Variants in NAGA observed in about 807,000 individuals in gnomAD.
The protein encoded by NAGA is Acetylgalactosaminidase, alpha-N- (alpha-galactosidase B).
A neutral mutation model predicts 45.6 loss-of-function variants in NAGA; 42 were observed. The ratio of observed to expected loss-of-function variants is 0.92; its 90% CI spans 0.72 to 1.19. The LOEUF (loss-of-function observed/expected upper bound fraction) is 1.19, where lower values mean the gene tolerates loss of function less well. Among genes scored for constraint, NAGA ranks in the 50% most tolerant of loss-of-function variants. NAGA has a pLI of 0.00. For synonymous variants in NAGA, 176 were observed against 203.1 expected (o/e 0.87, Z 1.13); for missense variants, 493 against 544.8 (o/e 0.90, Z 0.95).
chr22:42,069,056 C>T (rs1926905787), intron 1 of NAGA, among the ~76,000 whole-genome samples: 1 of 152,160 alleles, frequency 6.6e-6, no homozygotes, highest in Non-Finnish European at 1.5e-5. Flanking sequence ...GTCAGGCCAA[C>T]ATGGTGAAAC....
intron 7 of NAGA, among the ~76,000 whole-genome samples, chr22:42,061,985 C>T (rs1031765069): frequency 4.0e-4 from 59 of 147,468 alleles, no homozygotes; most frequent in African/African-American, 1.5e-3. Context: ...TTTGAGGTGA[C>T]ACTGAAGTCC....
At chr22:42,063,110 G>C (rs956084903) in intron 6 of NAGA, 86 bp from the exon 7 acceptor site, 5 of 1,321,510 alleles carry the variant, frequency 3.8e-6, no homozygotes, top group Non-Finnish European at 5.3e-6. Context: ...AGCCGAGGAA[G>C]AGCAATTAGG....
rs1471207605 is a variant in NAGA at position 42,059,393 on chromosome 22, C to G, written c.*886G>C. On this transcript the variant is annotated 3_prime_UTR_variant, in exon 9 of 9. Transcript: ENST00000396398. ...TGGGGAATATGAACCTCCTTTGCAG[C>G]CAGGTTGGGAGAGAAATAAAGGAAA... 2.0e-5 allele frequency: 3 copies of G among 152,422 alleles called. No homozygotes were observed. The highest frequency in any genetic ancestry group is 7.2e-5 in the African/African-American group (3 of 41,422). 9.4% of individuals were successfully genotyped at this position (152,422 alleles called of 1,614,324 possible).
chr22:42,067,113 C>T lies in NAGA; in HGVS notation c.502G>A (p.Gly168Arg). The change falls in exon 4 of 9, where the codon GGG (glycine) becomes AGG (arginine). Residue 168 changes from glycine to arginine, a missense_variant and splice_region_variant. By Grantham distance (125) the Gly-to-Arg change is moderately radical. Coordinates refer to ENST00000396398, the MANE Select transcript of NAGA (RefSeq NM_000262.3). ...CFSTPEERAQ[G>R]YPKMAAALNA... ...TGCCCCAGCCAGCTGCGTAACTCAC[C>T]CTGGGCCCGCTCCTCGGGGGTGGAG... 1 of 1,613,866 alleles carries T rather than the reference C, an allele frequency of 6.2e-7. No homozygotes were observed. Among genetic ancestry groups the T allele is most frequent in the Non-Finnish European group, 8.5e-7 (1 of 1,179,988 alleles).
intron 7 of NAGA, 141 bp from the exon 8 acceptor site, chr22:42,061,208 C>T: frequency 9.6e-7 from 1 of 1,042,124 alleles, no homozygotes; most frequent in Non-Finnish European, 1.4e-6. Flanking sequence ...CACGGGCCTC[C>T]AGCACCCCAG....
chr22:42,063,300 T>C (rs1000791587), intron 6 of NAGA, among the ~76,000 whole-genome samples: 16 of 152,012 alleles, frequency 1.1e-4, no homozygotes, highest in African/African-American at 3.6e-4. Context: ...GGCTCATGCT[T>C]GTAAATGCCA....
At position 42,063,024 on chromosome 22, in the gene NAGA, G is replaced by T. The variant is rs376821236; in HGVS notation, c.760C>A (p.Leu254Met). Residue 254 changes from leucine (L) to methionine (M), a missense_variant and splice_region_variant, in exon 7 of 9, where the codon CTG (leucine) becomes ATG (methionine). By Grantham distance (15) the Leu-to-Met change is conservative. Coordinates refer to ENST00000396398, the MANE Select transcript of NAGA (RefSeq NM_000262.3). The part of the protein sequence containing the change: ...GPGHWNDPDM[L>M]LIGNFGLSLE... ...CTGAGACCAAAGTTCCCAATGAGCA[G>T]CTGGGGGCAGAGAAGAGGAGTAGTC... 51 of 1,613,884 alleles carry T rather than the reference G, an allele frequency of 3.2e-5. No homozygotes were observed. Among genetic ancestry groups the T allele is most frequent in the Non-Finnish European group, 4.2e-5 (50 of 1,179,968 alleles).
At chr22:42,061,283 C>T (rs977232509) in intron 7 of NAGA, among the ~76,000 whole-genome samples, 2 of 152,242 alleles carry the variant, frequency 1.3e-5, no homozygotes, top group Non-Finnish European at 2.9e-5. Context: ...CTACTCTGAG[C>T]CCGGCCCCTA....
rs572638124 is a variant in NAGA, at chr22:42,062,735, G to A, written c.957+92C>T. The A allele has an allele frequency of 8.9e-5, 128 of 1,437,588 alleles. No individual in the cohort carries two copies. In the African/African-American group the frequency reaches 1.3e-3, roughly 14 times the overall value. 89.1% of individuals were successfully genotyped at this position (1,437,588 alleles called of 1,614,324 possible). A position where few individuals can be genotyped will look rare whatever the true frequency, so the allele number is the denominator to read the frequency against. ...GGGGACTGGGCGACTCCTGTACCTCGCCAGGTGTTGCCCCCAGGGAGGCTG... is the reference window on the plus strand; with the variant it reads ...GGGGACTGGGCGACTCCTGTACCTCACCAGGTGTTGCCCCCAGGGAGGCTG... On this transcript the variant is annotated intron_variant, in intron 7 of 8. Coordinates refer to ENST00000396398, the MANE Select transcript of NAGA (RefSeq NM_000262.3).
Position 42,060,938 on chromosome 22 carries a change from A to G in NAGA, c.1087T>C (p.Ser363Pro). The G allele has an allele frequency of 6.2e-7, 1 of 1,614,062 alleles. No individual in the cohort carries two copies. Among genetic ancestry groups the G allele is most frequent in the Non-Finnish European group, 8.5e-7 (1 of 1,179,992 alleles). ...SSLGQLNFTGSVIYEAQDVYS... is the reference protein window; with the variant it reads ...SSLGQLNFTGPVIYEAQDVYS... Reference sequence around the variant, plus strand: ...CGGGTGCTCACCTCATATATCACAGACCCGGTGAAGTTCAGCTGGCCAAGG... The same window carrying G: ...CGGGTGCTCACCTCATATATCACAGGCCCGGTGAAGTTCAGCTGGCCAAGG... The change falls in exon 8 of 9, where the codon TCT becomes CCT. Residue 363 changes from serine to proline, a missense_variant. By Grantham distance (74) the Ser-to-Pro change is moderately conservative. Transcript: ENST00000396398.
intron 5 of NAGA, among the ~76,000 whole-genome samples, 161 bp from the exon 6 acceptor site, chr22:42,066,060 G>C (rs930418003): frequency 2.0e-5 from 3 of 152,078 alleles, no homozygotes; most frequent in African/African-American, 7.2e-5. Flanking sequence ...GGCCTCAGAG[G>C]GTGGCCCTGC....
Position 42,060,026 on chromosome 22 carries a change from C to T in NAGA, c.*253G>A, listed in dbSNP as rs1020979164. ...AGGAGGCTGGCGAGTTGCTCAGCAA[C>T]GTCTGTGGGGCTGCGCACATGGAAG... On this transcript the variant is annotated 3_prime_UTR_variant, in exon 9 of 9. Transcript: ENST00000396398. 5.5e-5 allele frequency: 28 copies of T among 506,078 alleles called. No individual in the cohort carries two copies. Among genetic ancestry groups the T allele is most frequent in the South Asian group, 1.8e-4 (9 of 49,372 alleles). The allele number at this position is 506,078 out of a possible 1,614,324, so 31.3% of individuals were successfully genotyped here.
chr22:42,062,272 G>A (rs1388379486), intron 7 of NAGA, among the ~76,000 whole-genome samples: 5 of 152,052 alleles, frequency 3.3e-5, no homozygotes, highest in African/African-American at 9.7e-5. Context: ...CCAGGAGTTC[G>A]AGACAAGCCT....
intron 1 of NAGA, 128 bp downstream of exon 1, chr22:42,070,154 C>T: frequency 9.0e-7 from 1 of 1,110,140 alleles, no homozygotes; most frequent in Non-Finnish European, 1.4e-6. Flanking sequence ...TCCTCCCTTC[C>T]TGCCCAGCTC....
At position 42,060,916 on chromosome 22, in the gene NAGA, G is replaced by A. The variant is rs1926339252; in HGVS notation, c.1101+8C>T. On this transcript the variant is annotated splice_region_variant and intron_variant, in intron 8 of 8. Coordinates refer to ENST00000396398, the MANE Select transcript of NAGA (RefSeq NM_000262.3). Reference sequence around the variant, plus strand: ...CAGGCGGGTGGCTGCAGGCAGCCGGGTGCTCACCTCATATATCACAGACCC... The same window carrying A: ...CAGGCGGGTGGCTGCAGGCAGCCGGATGCTCACCTCATATATCACAGACCC... 6.2e-7 allele frequency: 1 copy of A among 1,614,158 alleles called. No individual in the cohort carries two copies. Among genetic ancestry groups the A allele is most frequent in the South Asian group, 1.1e-5 (1 of 91,086 alleles).
rs956084903 is a variant in NAGA, at chr22:42,063,110, G to A, written c.760-86C>T. 3.0e-6 allele frequency: 4 copies of A among 1,321,510 alleles called. No individual in the cohort carries two copies. In the African/African-American group the frequency reaches 4.4e-5, roughly 14 times the overall value. 81.9% of individuals were successfully genotyped at this position (1,321,510 alleles called of 1,614,324 possible). On this transcript the variant is annotated intron_variant, in intron 6 of 8. Transcript: ENST00000396398. ...CATCCCCAAACTTGTAGCCGAGGAA[G>A]AGCAATTAGGGATTAGGGAAAGATG...
chr22:42,066,008 A>T, intron 5 of NAGA, 109 bp from the exon 6 acceptor site: 1 of 1,408,062 alleles, frequency 7.1e-7, no homozygotes, highest in Non-Finnish European at 9.8e-7. Flanking sequence ...AGTGGGGAAG[A>T]GGGAAGAGAA....
chr22:42,068,615 C>T, intron 1 of NAGA, 41 bp from the exon 2 acceptor site: 2 of 1,611,670 alleles, frequency 1.2e-6, no homozygotes, highest in South Asian at 2.2e-5. Context: ...TATCAGTTGC[C>T]CCCACAGCTC....
rs1347208578 is a variant in NAGA at position 42,062,976 on chromosome 22, T to C, written c.808A>G (p.Met270Val). Residue 270 changes from methionine to valine, a missense_variant, in exon 7 of 9, where the codon ATG becomes GTG. By Grantham distance (21) the Met-to-Val change is conservative (BLOSUM62 1). Transcript: ENST00000396398. Reference sequence around the variant, plus strand: ...GCTGCCAGCACCGTCCACAGGGCCATCTGGGCCCGGGATTGCTCTAAGCTG... The same window carrying C: ...GCTGCCAGCACCGTCCACAGGGCCACCTGGGCCCGGGATTGCTCTAAGCTG... ...GLSLEQSRAQ[M>V]ALWTVLAAPL... is the part of the protein sequence containing the mutation. 1.9e-6 allele frequency: 3 copies of C among 1,614,218 alleles called. No individual in the cohort carries two copies. Among genetic ancestry groups the C allele is most frequent in the East Asian group, 2.2e-5 (1 of 44,882 alleles).
Sources: allele counts gnomAD v4.1 joint callset (sites outside exome capture counted in the v4.1 genomes callset), GRCh38; gene constraint gnomAD v4.1.1; transcripts MANE v1.5; gene names NCBI Gene and HGNC (gene_info 2026-07-23, HGNC 2026-07-21).